Variants in TKFC observed in about 807,000 individuals in gnomAD.
TKFC encodes the protein triokinase and FMN cyclase.
TKFC carries 46 observed loss-of-function variants against 61.0 expected under a neutral mutation model. The observed-to-expected ratio is 0.75, with a 90% CI of 0.60 to 0.96. The LOEUF (loss-of-function observed/expected upper bound fraction) is 0.96, where lower values mean the gene tolerates loss of function less well. TKFC is among the 50% of genes least tolerant of loss of function. The pLI, the probability that TKFC is intolerant of heterozygous loss-of-function variation, is 0.00. For missense variants in TKFC, 715 were observed against 777.5 expected (o/e 0.92, Z 0.96); for synonymous variants, 314 against 330.1 (o/e 0.95, Z 0.53).
intron 2 of TKFC, 106 bp from the exon 3 acceptor site, chr11:61,337,835 C>A (rs528767694): frequency 3.8e-5 from 42 of 1,118,294 alleles, no homozygotes; most frequent in Non-Finnish European, 5.0e-5. Flanking sequence ...CCTGGAGTTC[C>A]TAGGTGGATG....
intron 1 of TKFC, chr11:61,334,072 T>G (rs1856501503): frequency 6.6e-6 from 1 of 152,462 alleles, no homozygotes. Context: ...TAGCAGAGAC[T>G]CTGCCTGACT....
intron 6 of TKFC, 47 bp downstream of exon 6, chr11:61,341,561 C>T: frequency 6.5e-7 from 1 of 1,544,676 alleles, no homozygotes; most frequent in Non-Finnish European, 8.8e-7. Context: ...GAAGGTTGGA[C>T]AGCCCTGGGG....
downstream of TKFC, chr11:61,351,212 A>G (rs1857391198): frequency 8.0e-6 from 12 of 1,503,074 alleles, no homozygotes; most frequent in Non-Finnish European, 8.9e-6. Context: ...CTAGTGGGAG[A>G]CTCGATGTCA....
chr11:61,342,936 GATAA>G, intron 10 of TKFC, 92 bp downstream of exon 10: 1 of 1,313,110 alleles, frequency 7.6e-7, no homozygotes, highest in South Asian at 1.2e-5. Context: ...CTGTGCGTCA[GATAA>G]GCCTGAGTTA....
intron 5 of TKFC, 150 bp downstream of exon 5, chr11:61,339,585 C>G: frequency 1.2e-6 from 1 of 850,116 alleles, no homozygotes; most frequent in Non-Finnish European, 1.8e-6. Context: ...CCCCGCCATC[C>G]CCTCAGCTAC....
intron 7 of TKFC, among the ~76,000 whole-genome samples, 181 bp downstream of exon 7, chr11:61,342,093 AC>A (rs1856881711): frequency 6.6e-6 from 1 of 151,996 alleles, no homozygotes; most frequent in South Asian, 2.1e-4. Flanking sequence ...TGCTGTCTAT[AC>A]CCACAGCTTT....
rs765055346 is a variant in TKFC, at chr11:61,339,401, G to T, written c.452G>T (p.Arg151Leu). The change falls in exon 5 of 18, where the codon CGG becomes CTG. Residue 151 changes from arginine to leucine, a missense_variant. Arg to Leu is a moderately radical substitution (Grantham distance 102). Transcript: ENST00000394900. ...SAFTVLKKAG[R>L]RGLCGTVLIH... ...TTCACTGTCCTGAAGAAGGCAGGCC[G>T]GCGGGGGCTGTGCGGCACGGTGCTT... 1.9e-6 allele frequency: 3 copies of T among 1,612,920 alleles called. No homozygotes were observed. The highest frequency in any genetic ancestry group is 2.5e-6 in the Non-Finnish European group (3 of 1,179,874).
In TKFC at chr11:61,348,464, C is replaced by T. The variant is rs935921364; in HGVS notation, c.*1961C>T. ...CCCAGAACTCATTTAACCACAGCAT[C>T]ATTTCATTAGAGGGCTGTTATTAGA... On this transcript the variant is annotated 3_prime_UTR_variant, in exon 18 of 18. Coordinates refer to ENST00000394900, the MANE Select transcript of TKFC (RefSeq NM_015533.4). 1.0e-6 allele frequency: 1 copy of T among 985,472 alleles called. No individual in the cohort carries two copies. Among genetic ancestry groups the T allele is most frequent in the Non-Finnish European group, 1.2e-6 (1 of 829,976 alleles). The allele number at this position is 985,472 out of a possible 1,614,324, so 61.0% of individuals were successfully genotyped here. A position where few individuals can be genotyped will look rare whatever the true frequency, so the allele number is the denominator to read the frequency against.
chr11:61,334,526 G>A (rs1856520483), intron 1 of TKFC, 94 bp from the exon 2 acceptor site: 1 of 612,774 alleles, frequency 1.6e-6, no homozygotes, highest in African/African-American at 1.8e-5. Context: ...CCGAAGTCTG[G>A]GGCAGCTCCC....
rs1376716538 is a variant in TKFC at position 61,341,897 on chromosome 11, G to A, written c.640G>A (p.Val214Met). ...CACCTTCGAGCTCTCAGCCGACGAG[G>A]TGGAGCTGGGCCTGGGTAAGCTTGT... ...KPTFELSADE[V>M]ELGLGIHGEA... The change falls in exon 7 of 18, where the codon GTG becomes ATG. Residue 214 changes from valine to methionine, a missense_variant. Coordinates refer to ENST00000394900, the MANE Select transcript of TKFC (RefSeq NM_015533.4). The A allele has an allele frequency of 6.2e-7, 1 of 1,613,220 alleles. No homozygotes were observed. Among genetic ancestry groups the A allele is most frequent in the Non-Finnish European group, 8.5e-7 (1 of 1,179,526 alleles).
At chr11:61,333,554 C>T (rs2134957020) in intron 1 of TKFC, 1 of 152,562 alleles carries the variant, frequency 6.6e-6, no homozygotes, top group South Asian at 2.1e-4. Context: ...CTCAGTTCCT[C>T]CAGATCCAGC....
chr11:61,349,569 G>T (rs1235111405), downstream of TKFC: 1 of 702,998 alleles, frequency 1.4e-6, no homozygotes, highest in Non-Finnish European at 2.6e-6. Context: ...ACCAGGATTT[G>T]TAGGGCTGCC....
downstream of TKFC, chr11:61,350,799 C>T (rs1195136003): frequency 1.3e-6 from 1 of 758,350 alleles, no homozygotes; most frequent in South Asian, 2.2e-5. Context: ...CTGGGGAGTC[C>T]CAGCATTTCA....
chr11:61,350,902 T>C, downstream of TKFC: 3 of 1,505,096 alleles, frequency 2.0e-6, no homozygotes, highest in Middle Eastern at 2.5e-4. Context: ...ACAGGGTAAG[T>C]CTTCTTGTCA....
At chr11:61,342,022 G>A (rs895499241) in intron 7 of TKFC, 110 bp downstream of exon 7, 7 of 1,107,436 alleles carry the variant, frequency 6.3e-6, no homozygotes, top group Admixed American at 2.4e-5. Flanking sequence ...GGTGGTCTTA[G>A]TATTTTTACC....
downstream of TKFC, chr11:61,349,688 A>C (rs1449708105): frequency 2.8e-6 from 2 of 702,022 alleles, no homozygotes; most frequent in Non-Finnish European, 5.2e-6. Context: ...GCAGACACAG[A>C]GCAGCAATAC....
At chr11:61,352,870 G>C, downstream of TKFC, 3 of 1,569,912 alleles carry the variant, frequency 1.9e-6, no homozygotes, top group Non-Finnish European at 2.6e-6. Flanking sequence ...ATCAGGAGTG[G>C]ACCCAACCCC....
At chr11:61,341,217 C>G (rs1856837193) in intron 5 of TKFC, among the ~76,000 whole-genome samples, 1 of 152,214 alleles carries the variant, frequency 6.6e-6, no homozygotes, top group Non-Finnish European at 1.5e-5. Flanking sequence ...TGTAAAGTCT[C>G]TTCTGACTCC....
rs1856683156 is a variant in TKFC, at chr11:61,337,989, C to T, written c.52C>T (p.Leu18Phe). 1.2e-6 allele frequency: 2 copies of T among 1,612,678 alleles called. No individual in the cohort carries two copies. The highest frequency in any genetic ancestry group is 8.5e-7 in the Non-Finnish European group (1 of 1,179,562). Residue 18 changes from leucine to phenylalanine, a missense_variant, in exon 3 of 18, where the codon CTT becomes TTT. Transcript: ENST00000394900. ...NSVAGCADDA[L>F]AGLVACNPNL... The stretch of plus-strand genomic sequence containing the variant: ...GGTGGCTGGCTGTGCTGATGACGCT[C>T]TTGCTGGCCTGGTGGCCTGCAACCC...
Sources: allele counts gnomAD v4.1 joint callset (sites outside exome capture counted in the v4.1 genomes callset), GRCh38; gene constraint gnomAD v4.1.1; transcripts MANE v1.5; gene names NCBI Gene and HGNC (gene_info 2026-07-23, HGNC 2026-07-21).